The following HS3ST4 variants were observed in gnomAD, a reference collection of about 807,000 sequenced individuals.
HS3ST4 encodes the protein heparan sulfate-glucosamine 3-sulfotransferase 4.
Under a neutral mutation model 29.2 loss-of-function variants are expected in HS3ST4, and 17 were observed. That is an observed-to-expected ratio of 0.58 (90% CI 0.40 to 0.87). The LOEUF (loss-of-function observed/expected upper bound fraction) is 0.87. HS3ST4 is among the 40% of genes least tolerant of loss of function. The probability of loss-of-function intolerance (pLI) is 0.00; values close to 1 mark genes in which losing one functional copy is unlikely to be tolerated. For synonymous variants in HS3ST4, 314 were observed against 285.7 expected (o/e 1.10, Z -1.00); for missense variants, 627 against 634.5 (o/e 0.99, Z 0.13).
chr16:25,927,808 A>G (rs182591055), intron 1 of HS3ST4, among the ~76,000 whole-genome samples: 34 of 152,064 alleles, frequency 2.2e-4, no homozygotes, highest in Middle Eastern at 3.4e-3. Flanking sequence ...GAAAGTGGCT[A>G]TTGAGCACCT....
At chr16:25,975,869 T>C (rs544480574) in intron 1 of HS3ST4, among the ~76,000 whole-genome samples, 12 of 152,352 alleles carry the variant, frequency 7.9e-5, no homozygotes, top group African/African-American at 2.6e-4. Flanking sequence ...TGATACGCCA[T>C]AATTTATTTA....
At chr16:26,022,919 G>A (rs997179790) in intron 1 of HS3ST4, among the ~76,000 whole-genome samples, 1 of 152,156 alleles carries the variant, frequency 6.6e-6, no homozygotes, top group Admixed American at 6.5e-5. Flanking sequence ...GCGCATGCCT[G>A]TAATCCCAGC....
At chr16:26,101,199 T>G (rs927547065) in intron 1 of HS3ST4, among the ~76,000 whole-genome samples, 2 of 148,288 alleles carry the variant, frequency 1.3e-5, no homozygotes, top group African/African-American at 4.8e-5. Context: ...CCTACTCCTT[T>G]GCCCTCCATC....
Position 26,136,255 on chromosome 16 carries a change from A to G in HS3ST4, c.*7A>G. On this transcript the variant is annotated 3_prime_UTR_variant, in exon 2 of 2. Coordinates refer to ENST00000331351, the MANE Select transcript of HS3ST4 (RefSeq NM_006040.3). Reference sequence around the variant, plus strand: ...GGAAGAGGGTGATAAATGAGGCTAGAGAGGCAGAGGAAGGCTAGTCAATAA... The same window carrying G: ...GGAAGAGGGTGATAAATGAGGCTAGGGAGGCAGAGGAAGGCTAGTCAATAA... 6.2e-7 allele frequency: 1 copy of G among 1,607,180 alleles called. No individual in the cohort carries two copies. Among genetic ancestry groups the G allele is most frequent in the Non-Finnish European group, 8.5e-7 (1 of 1,177,466 alleles).
intron 1 of HS3ST4, among the ~76,000 whole-genome samples, chr16:26,131,246 A>G (rs1899414986): frequency 6.6e-6 from 1 of 152,186 alleles, no homozygotes. Context: ...TATCTCTGCC[A>G]CACTCCTATC....
chr16:25,947,954 G>T (rs1187004813), intron 1 of HS3ST4, among the ~76,000 whole-genome samples: 2 of 152,194 alleles, frequency 1.3e-5, no homozygotes, highest in African/African-American at 4.8e-5. Context: ...TCCATCGGGA[G>T]GATCAACTTG....
chr16:26,017,086 A>G (rs538890112), intron 1 of HS3ST4, among the ~76,000 whole-genome samples: 1 of 152,368 alleles, frequency 6.6e-6, no homozygotes, highest in East Asian at 1.9e-4. Context: ...TGGCACGAAC[A>G]ATAAACAAAC....
chr16:26,066,807 T>C (rs893271566), intron 1 of HS3ST4, among the ~76,000 whole-genome samples: 4 of 152,218 alleles, frequency 2.6e-5, no homozygotes, highest in Admixed American at 6.5e-5. Context: ...TCTACATTCT[T>C]TCTATGACCA....
intron 1 of HS3ST4, among the ~76,000 whole-genome samples, chr16:25,724,712 C>A (rs1966520107): frequency 6.6e-6 from 1 of 152,130 alleles, no homozygotes; most frequent in Non-Finnish European, 1.5e-5. Flanking sequence ...GCGAAGTCAT[C>A]ACCTGAACCC....
chr16:25,812,816 C>T (rs1475199407), intron 1 of HS3ST4, among the ~76,000 whole-genome samples: 2 of 152,246 alleles, frequency 1.3e-5, no homozygotes, highest in Non-Finnish European at 1.5e-5. Flanking sequence ...ATCCCTCCAC[C>T]TCTGTCTCTC....
chr16:25,748,489 CA>C (rs1280529466), intron 1 of HS3ST4, among the ~76,000 whole-genome samples: 1 of 152,198 alleles, frequency 6.6e-6, no homozygotes, highest in Non-Finnish European at 1.5e-5. Flanking sequence ...ACATATTATG[CA>C]AACATTAAGA....
chr16:25,761,670 C>A (rs780366589), intron 1 of HS3ST4, among the ~76,000 whole-genome samples: 9 of 152,160 alleles, frequency 5.9e-5, no homozygotes, highest in Admixed American at 1.3e-4. Flanking sequence ...AAACAAAAGG[C>A]AGAGCATGTG....
At chr16:25,978,217 T>C (rs1317388462) in intron 1 of HS3ST4, among the ~76,000 whole-genome samples, 5 of 152,210 alleles carry the variant, frequency 3.3e-5, no homozygotes, top group African/African-American at 1.2e-4. Context: ...TAATATGCAG[T>C]GACCTAGGAC....
intron 1 of HS3ST4, among the ~76,000 whole-genome samples, chr16:26,008,073 C>A (rs1969274338): frequency 6.6e-6 from 1 of 152,144 alleles, no homozygotes; most frequent in Non-Finnish European, 1.5e-5. Context: ...GATCCAGAAA[C>A]CAAACAGACA....
intron 1 of HS3ST4, among the ~76,000 whole-genome samples, chr16:25,748,711 G>A (rs1234194109): frequency 1.3e-5 from 2 of 152,160 alleles, no homozygotes; most frequent in Admixed American, 6.5e-5. Context: ...GCTGTCCTAG[G>A]TTAACTGATT....
intron 1 of HS3ST4, among the ~76,000 whole-genome samples, chr16:26,018,440 A>G (rs1969381343): frequency 6.6e-6 from 1 of 152,036 alleles, no homozygotes; most frequent in African/African-American, 2.4e-5. Flanking sequence ...TGCAACGAAC[A>G]TTTTTTCTCG....
intron 1 of HS3ST4, among the ~76,000 whole-genome samples, chr16:25,792,994 A>T (rs1966872938): frequency 6.6e-6 from 1 of 151,894 alleles, no homozygotes; most frequent in South Asian, 2.1e-4. Context: ...ATATTTTCTA[A>T]TTTTTATGGT....
chr16:25,944,641 A>G (rs1156525003), intron 1 of HS3ST4, among the ~76,000 whole-genome samples: 3 of 152,224 alleles, frequency 2.0e-5, no homozygotes, highest in African/African-American at 7.2e-5. Flanking sequence ...ATTTCACCCC[A>G]TGAGCTACCT....
Position 25,928,328 on chromosome 16 carries a change from G to A in HS3ST4, c.735-207284G>A, listed in dbSNP as rs1022713912. Among the ~76,000 whole-genome samples, 3 of 151,974 alleles carry A rather than the reference G, an allele frequency of 2.0e-5. No homozygotes were observed. In the East Asian group the frequency reaches 5.8e-4, roughly 29 times the overall value. ...TACAGTGAGCTATGATTGCACCATTGCACTCCAGCCTGGGCAACAGAGCGA... is the reference window on the plus strand; with the variant it reads ...TACAGTGAGCTATGATTGCACCATTACACTCCAGCCTGGGCAACAGAGCGA... On this transcript the variant is annotated intron_variant, in intron 1 of 1. Coordinates refer to ENST00000331351, the MANE Select transcript of HS3ST4 (RefSeq NM_006040.3).
Sources: allele counts gnomAD v4.1 joint callset (sites outside exome capture counted in the v4.1 genomes callset), GRCh38; gene constraint gnomAD v4.1.1; transcripts MANE v1.5; gene names NCBI Gene and HGNC (gene_info 2026-07-23, HGNC 2026-07-21).